TECPR2: variants seen among roughly 807,000 people sequenced by gnomAD.
TECPR2 encodes the protein tectonin beta-propeller repeat-containing protein 2.
A neutral mutation model predicts 138.1 loss-of-function variants in TECPR2; 65 were observed. The observed-to-expected ratio is 0.47, with a 90% CI of 0.39 to 0.58. The LOEUF (loss-of-function observed/expected upper bound fraction) is 0.58, where lower values mean the gene tolerates loss of function less well. Ranked by LOEUF, TECPR2 falls within the 20% of genes least tolerant of loss-of-function variation. The probability of loss-of-function intolerance (pLI) is 0.00; values close to 1 mark genes in which losing one functional copy is unlikely to be tolerated. For missense variants in TECPR2, 1,553 were observed against 1,824.5 expected, an observed-to-expected ratio of 0.85 and a Z score of 2.71; for synonymous variants, 746 against 749.8, an observed-to-expected ratio of 0.99 and a Z score of 0.08.
chr14:102,475,681 C>T (rs1276300739), intron 17 of TECPR2, among the ~76,000 whole-genome samples: 1 of 151,962 alleles, frequency 6.6e-6, no homozygotes, highest in Non-Finnish European at 1.5e-5. Context: ...CAAAAATATC[C>T]AACATCAGCA....
chr14:102,446,553 C>T (rs1385644194), intron 13 of TECPR2, among the ~76,000 whole-genome samples: 1 of 152,104 alleles, frequency 6.6e-6, no homozygotes, highest in Non-Finnish European at 1.5e-5. Context: ...CAAGATCACA[C>T]CACCACACTC....
At chr14:102,427,644 C>T (rs1031062070) in intron 6 of TECPR2, among the ~76,000 whole-genome samples, 1 of 152,202 alleles carries the variant, frequency 6.6e-6, no homozygotes, top group African/African-American at 2.4e-5. Context: ...GGAACCTCCC[C>T]TCCCTTCATG....
intron 1 of TECPR2, among the ~76,000 whole-genome samples, chr14:102,372,432 AT>A (rs893112090): frequency 6.6e-6 from 1 of 151,944 alleles, no homozygotes; most frequent in Non-Finnish European, 1.5e-5. Context: ...CGCCCAGGTA[AT>A]TTTGTATTTT....
intron 1 of TECPR2, among the ~76,000 whole-genome samples, chr14:102,367,765 C>T (rs1887382603): frequency 6.6e-6 from 1 of 152,068 alleles, no homozygotes; most frequent in Non-Finnish European, 1.5e-5. Context: ...TGGGCATAAA[C>T]CTAGGAATAG....
At chr14:102,368,312 C>T (rs1231067630) in intron 1 of TECPR2, among the ~76,000 whole-genome samples, 1 of 152,066 alleles carries the variant, frequency 6.6e-6, no homozygotes, top group East Asian at 1.9e-4. Flanking sequence ...CCTGGCCTTA[C>T]TGGGCATTTG....
chr14:102,391,476 G>GC (rs1158863389), intron 2 of TECPR2, among the ~76,000 whole-genome samples: 3 of 152,086 alleles, frequency 2.0e-5, no homozygotes, highest in Non-Finnish European at 4.4e-5. Context: ...ATGTAGTCAG[G>GC]CAGAGGCACA....
chr14:102,449,092 T>A (rs1890069243), intron 13 of TECPR2, among the ~76,000 whole-genome samples: 1 of 152,128 alleles, frequency 6.6e-6, no homozygotes, highest in South Asian at 2.1e-4. Context: ...GGGAGACCTG[T>A]CTCTACAAAA....
intron 11 of TECPR2, 63 bp downstream of exon 11, chr14:102,440,672 C>G: frequency 6.4e-7 from 1 of 1,553,992 alleles, no homozygotes; most frequent in Non-Finnish European, 8.7e-7. Flanking sequence ...CTGCACCCTG[C>G]TTTGCTAGTA....
At chr14:102,448,486 AG>A (rs1311083287) in intron 13 of TECPR2, among the ~76,000 whole-genome samples, 1 of 152,206 alleles carries the variant, frequency 6.6e-6, no homozygotes, top group Non-Finnish European at 1.5e-5. Context: ...CTTCTGAGCT[AG>A]GGTTAGAGTC....
intron 17 of TECPR2, among the ~76,000 whole-genome samples, chr14:102,480,670 C>T (rs1890872102): frequency 6.6e-6 from 1 of 151,924 alleles, no homozygotes; most frequent in African/African-American, 2.4e-5. Context: ...TGCACCATCA[C>T]ACCTGGCTCA....
At position 102,410,470 on chromosome 14, in the gene TECPR2, TA is replaced by T. The variant is rs60487259; in HGVS notation, c.480+1862del. Among the ~76,000 whole-genome samples, 336 of 135,424 alleles carry T rather than the reference TA, an allele frequency of 2.5e-3. 3 individuals are homozygous for T. The highest frequency in any genetic ancestry group is 7.2e-3 in the East Asian group (34 of 4,712). The allele number at this position is 135,424 out of a possible 152,430, so 88.8% of individuals were successfully genotyped here. ...AAGAATTATCAATAAAAAAATAAAT[TA>T]AAAAAAAAAATAAAAAATAAAAAAT... On this transcript the variant is annotated intron_variant, in intron 4 of 19. Transcript: ENST00000359520.
chr14:102,431,639 T>G lies in TECPR2; in HGVS notation c.1085-157T>G, dbSNP rs534866667. ...TTACAGGCGTGAGTCACCGTGCCCA[T>G]CCTAGTTTTGCTGGTTTCTATGAAT... On this transcript the variant is annotated intron_variant, in intron 7 of 19. Transcript: ENST00000359520. Among the ~76,000 whole-genome samples, 18 of 152,274 alleles carry G rather than the reference T, an allele frequency of 1.2e-4. No homozygotes were observed. In the South Asian group the frequency reaches 1.7e-3, roughly 14 times the overall value.
At position 102,434,968 on chromosome 14, in the gene TECPR2, C is replaced by G; in HGVS notation, c.2151C>G (p.Val717=). 6.2e-7 allele frequency: 1 copy of G among 1,614,110 alleles called. No homozygotes were observed. Among genetic ancestry groups the G allele is most frequent in the Non-Finnish European group, 8.5e-7 (1 of 1,180,028 alleles). The part of the protein sequence containing the change: ...GQKEIPISER[V]LGSVGGQLTP... ...AAGAAATACCCATTTCTGAACGTGTCTTGGGGAGTGTGGGAGGACAGCTGA... is the reference window on the plus strand; with the variant it reads ...AAGAAATACCCATTTCTGAACGTGTGTTGGGGAGTGTGGGAGGACAGCTGA... The change falls in exon 9 of 20, where the codon GTC becomes GTG. Residue 717 remains valine, a synonymous_variant. Coordinates refer to ENST00000359520, the MANE Select transcript of TECPR2 (RefSeq NM_014844.5).
In TECPR2 at chr14:102,498,987, A is replaced by G. The variant is rs1595154070; in HGVS notation, c.*730A>G. ...CACCACACAACACACCACACCCCAC[A>G]CCGCACTGCACCGCACCGCACCGCA... is the stretch of plus-strand genomic sequence containing the variant. On this transcript the variant is annotated 3_prime_UTR_variant, in exon 20 of 20. Transcript: ENST00000359520. 2.9e-6 allele frequency: 2 copies of G among 695,258 alleles called. No individual in the cohort carries two copies. Among genetic ancestry groups the G allele is most frequent in the East Asian group, 5.4e-5 (2 of 36,832 alleles). The allele number at this position is 695,258 out of a possible 1,614,324, so 43.1% of individuals were successfully genotyped here.
chr14:102,479,060 CTGT>C (rs1890831616), intron 17 of TECPR2, among the ~76,000 whole-genome samples: 1 of 150,698 alleles, frequency 6.6e-6, no homozygotes, highest in Non-Finnish European at 1.5e-5. Flanking sequence ...ATGATTGAAG[CTGT>C]TTTTGGAGTT....
intron 2 of TECPR2, among the ~76,000 whole-genome samples, chr14:102,405,249 C>T (rs1888628084): frequency 6.6e-6 from 1 of 152,070 alleles, no homozygotes; most frequent in Admixed American, 6.6e-5. Context: ...GTGGAGGTTG[C>T]AGTGAGCCAA....
Position 102,379,591 on chromosome 14 carries a change from C to G in TECPR2, c.219+2651C>G, listed in dbSNP as rs561672461. Among the ~76,000 whole-genome samples the G allele has an allele frequency of 2.3e-3, 353 of 150,976 alleles. 1 individual carries two copies. Among genetic ancestry groups the G allele is most frequent in the African/African-American group, 8.2e-3 (337 of 40,994 alleles). On this transcript the variant is annotated intron_variant, in intron 2 of 19. Transcript: ENST00000359520. Reference sequence around the variant, plus strand: ...GCACAGAGGCACCCTAGTCACACTGCTGAAGATCACAGTCTTAAAATCCAT... The same window carrying G: ...GCACAGAGGCACCCTAGTCACACTGGTGAAGATCACAGTCTTAAAATCCAT...
chr14:102,431,141 A>G (rs1699671670), intron 7 of TECPR2, among the ~76,000 whole-genome samples: 1 of 148,156 alleles, frequency 6.7e-6, no homozygotes, highest in Non-Finnish European at 1.5e-5. Context: ...CTCCCACCTC[A>G]GCCTCCCAAG....
At chr14:102,441,755 T>C (rs1048691475) in intron 11 of TECPR2, among the ~76,000 whole-genome samples, 1 of 152,110 alleles carries the variant, frequency 6.6e-6, no homozygotes, top group African/African-American at 2.4e-5. Flanking sequence ...GGGAAGTTTT[T>C]AGCTGATGGA....
Sources: gnomAD v4.1 joint callset for allele counts (sites outside exome capture counted in the v4.1 genomes callset) on GRCh38, gnomAD v4.1.1 for gene constraint, MANE v1.5 for transcripts, NCBI Gene and HGNC (gene_info 2026-07-23, HGNC 2026-07-21) for gene names.